The following AMPD1 variants were observed in gnomAD, a reference collection of about 807,000 sequenced individuals.
The protein encoded by AMPD1 is AMP deaminase 1.
AMPD1 carries 74 observed loss-of-function variants against 82.9 expected under a neutral mutation model. The ratio of observed to expected loss-of-function variants is 0.89; its 90% CI spans 0.74 to 1.08. AMPD1 has a LOEUF of 1.08. AMPD1 is among the 50% of genes least tolerant of loss of function. The pLI, the probability that AMPD1 is intolerant of heterozygous loss-of-function variation, is 0.00. For synonymous variants in AMPD1, 333 were observed against 320.5 expected, an observed-to-expected ratio of 1.04 and a Z score of -0.42; for missense variants, 881 against 924.5, an observed-to-expected ratio of 0.95 and a Z score of 0.61.
chr1:114,673,150 G>A lies in AMPD1; in HGVS notation c.2208C>T (p.Leu736=). ...ATTTAAGACCCTCAGCAATTAAATTGAGTTCATAACACCAGGTTTCATAGC... is the reference window on the plus strand; with the variant it reads ...ATTTAAGACCCTCAGCAATTAAATTAAGTTCATAACACCAGGTTTCATAGC... ...AYRYETWCYE[L]NLIAEGLKST... is the part of the protein sequence containing the mutation. Residue 736 remains leucine, a synonymous_variant, in exon 16 of 16, where the codon CTC becomes CTT. Transcript: ENST00000520113. 1 of 1,613,898 alleles carries A rather than the reference G, an allele frequency of 6.2e-7. No individual in the cohort carries two copies. Among genetic ancestry groups the A allele is most frequent in the Non-Finnish European group, 8.5e-7 (1 of 1,179,930 alleles).
chr1:114,693,700 A>T (rs751189510), intron 1 of AMPD1, among the ~76,000 whole-genome samples: 2 of 152,228 alleles, frequency 1.3e-5, no homozygotes, highest in Non-Finnish European at 2.9e-5. Flanking sequence ...TCTCTATAAA[A>T]TATGATTTTT....
chr1:114,692,230 A>G (rs542643331), intron 2 of AMPD1, among the ~76,000 whole-genome samples: 50 of 152,340 alleles, frequency 3.3e-4, no homozygotes, highest in Non-Finnish European at 5.4e-4. Context: ...GTTTCTCAGC[A>G]GTGCTTTATT....
At chr1:114,681,957 T>C (rs1359844887) in intron 5 of AMPD1, among the ~76,000 whole-genome samples, 2 of 152,250 alleles carry the variant, frequency 1.3e-5, no homozygotes, top group African/African-American at 2.4e-5. Flanking sequence ...GAATTATTTT[T>C]CCCACCTTTT....
Position 114,693,515 on chromosome 1 carries a change from T to G in AMPD1, c.23-68A>C, listed in dbSNP as rs377512511. On this transcript the variant is annotated intron_variant, in intron 1 of 15. Coordinates refer to ENST00000520113, the MANE Select transcript of AMPD1 (RefSeq NM_000036.3). ...TTTCTGTAATCATGGTGGCTATTAA[T>G]CACTGCTTTGGGGTAGACACATGTA... 4.1e-4 allele frequency: 587 copies of G among 1,420,070 alleles called. 3 individuals are homozygous for G. The highest frequency in any genetic ancestry group is 5.1e-4 in the Non-Finnish European group (507 of 1,003,556). 88.0% of individuals were successfully genotyped at this position (1,420,070 alleles called of 1,614,324 possible).
Position 114,680,464 on chromosome 1 carries a change from C to CA in AMPD1, c.561dup (p.Val188CysfsTer15). 1 of 1,614,024 alleles carries CA rather than the reference C, an allele frequency of 6.2e-7. No homozygotes were observed. The highest frequency in any genetic ancestry group is 8.5e-7 in the Non-Finnish European group (1 of 1,179,980). ...CGGAAGGGGTCCTCTCCCTTCTTCA[C>CA]AGGAGGAGTAAAGACTTTTTCAATC... On this transcript the variant is annotated frameshift_variant, in exon 6 of 16. Transcript: ENST00000520113. LOFTEE classifies it high-confidence loss of function.
At chr1:114,684,140 T>A in intron 5 of AMPD1, 59 bp downstream of exon 5, 1 of 1,525,334 alleles carries the variant, frequency 6.6e-7, no homozygotes, top group Non-Finnish European at 9.0e-7. Context: ...ATATTTTAAA[T>A]TTAATATTTA....
intron 1 of AMPD1, among the ~76,000 whole-genome samples, chr1:114,693,711 A>T (rs965150390): frequency 1.3e-5 from 2 of 152,256 alleles, no homozygotes; most frequent in Non-Finnish European, 2.9e-5. Flanking sequence ...TATGATTTTT[A>T]AAAATATCTG....
chr1:114,680,117 G>T, intron 6 of AMPD1, 142 bp downstream of exon 6: 1 of 807,720 alleles, frequency 1.2e-6, no homozygotes, highest in Non-Finnish European at 2.1e-6. Context: ...AAGGAACAAT[G>T]TGCATGAAGG....
intron 13 of AMPD1, 61 bp downstream of exon 13, chr1:114,674,691 T>C: frequency 3.8e-6 from 6 of 1,571,598 alleles, no homozygotes; most frequent in Non-Finnish European, 5.3e-6. Flanking sequence ...TATGGTTGGT[T>C]AAGGGAAAAA....
chr1:114,678,606 A>ACC, intron 7 of AMPD1, 79 bp from the exon 8 acceptor site: 3 of 1,311,402 alleles, frequency 2.3e-6, no homozygotes, highest in Non-Finnish European at 3.3e-6. Context: ...ATGGTGCTGC[A>ACC]AATCCCACTG....
At position 114,673,719 on chromosome 1, in the gene AMPD1, C is replaced by T. The variant is rs1657899229; in HGVS notation, c.2005G>A (p.Ala669Thr). The T allele has an allele frequency of 3.1e-6, 5 of 1,613,978 alleles. No individual in the cohort carries two copies. Among genetic ancestry groups the T allele is most frequent in the Non-Finnish European group, 4.2e-6 (5 of 1,179,934 alleles). ...CAGGTGCTCAGCTTGAAGACTTGTG[C>T]AGCAATAGCATATTCTTCCATTAGG... is the stretch of plus-strand genomic sequence containing the variant. The part of the protein sequence containing the change: ...EPLMEEYAIA[A>T]QVFKLSTCDM... Residue 669 changes from alanine (A) to threonine (T), a missense_variant, in exon 15 of 16, where the codon GCA (alanine) becomes ACA (threonine). This residue lies in a region of AMPD1 where 98 missense variants were observed against 138.1 expected (regional missense o/e 0.71). Coordinates refer to ENST00000520113, the MANE Select transcript of AMPD1 (RefSeq NM_000036.3).
intron 2 of AMPD1, chr1:114,688,992 T>C (rs1016215858): frequency 4.3e-6 from 3 of 704,156 alleles, no homozygotes; most frequent in African/African-American, 3.5e-5. Flanking sequence ...CTAAAGATGG[T>C]CCTAAAGATG....
At chr1:114,695,395 C>CAAAAAAAA in intron 1 of AMPD1, 55 bp downstream of exon 1, 2 of 1,450,256 alleles carry the variant, frequency 1.4e-6, no homozygotes, top group Non-Finnish European at 9.3e-7. Context: ...AGTTGCTTGT[C>CAAAAAAAA]AAAAAAAAAA....
intron 7 of AMPD1, among the ~76,000 whole-genome samples, chr1:114,679,337 G>T (rs1658086737): frequency 6.6e-6 from 1 of 152,070 alleles, no homozygotes; most frequent in Non-Finnish European, 1.5e-5. Context: ...TGCTATTTTC[G>T]TTGTTGAGGA....
intron 2 of AMPD1, among the ~76,000 whole-genome samples, chr1:114,692,949 A>G (rs1398333502): frequency 1.3e-5 from 2 of 151,568 alleles, no homozygotes; most frequent in Admixed American, 1.3e-4. Flanking sequence ...CCTGGCCAAC[A>G]TGGTGAAACC....
At position 114,674,072 on chromosome 1, in the gene AMPD1, A is replaced by C. The variant is rs1657912496; in HGVS notation, c.1811T>G (p.Leu604Arg). The change falls in exon 14 of 16, where the codon CTA becomes CGA. Residue 604 changes from leucine to arginine, a missense_variant. Coordinates refer to ENST00000520113, the MANE Select transcript of AMPD1 (RefSeq NM_000036.3). ...TTGGGCTAAGAAAAACAAGTACTGT[A>C]GCACGGGACTCTGAAAAAGAAAAGT... ...HGLNLKKSPV[L>R]QYLFFLAQIP... 3.7e-6 allele frequency: 6 copies of C among 1,613,790 alleles called. No homozygotes were observed. The highest frequency in any genetic ancestry group is 4.2e-6 in the Non-Finnish European group (5 of 1,179,704).
intron 7 of AMPD1, 120 bp downstream of exon 7, chr1:114,679,459 A>C: frequency 7.2e-7 from 1 of 1,394,296 alleles, no homozygotes. Flanking sequence ...TTTTTACTAA[A>C]ATCCACTGAA....
At chr1:114,679,835 A>G in intron 6 of AMPD1, 127 bp from the exon 7 acceptor site, 17 of 1,143,782 alleles carry the variant, frequency 1.5e-5, no homozygotes, top group Non-Finnish European at 2.1e-5. Flanking sequence ...CTTTTAGTTT[A>G]CTCTGCAGTT....
chr1:114,685,759 G>A (rs771175240), intron 4 of AMPD1, among the ~76,000 whole-genome samples: 8 of 152,122 alleles, frequency 5.3e-5, no homozygotes, highest in Non-Finnish European at 8.8e-5. Flanking sequence ...TCCAAACTGT[G>A]TTTCCCCTGT....
Sources: gnomAD v4.1 joint callset for allele counts (sites outside exome capture counted in the v4.1 genomes callset) on GRCh38, gnomAD v4.1.1 for gene constraint, gnomAD v4.1.1 regional missense constraint, MANE v1.5 for transcripts, NCBI Gene and HGNC (gene_info 2026-07-23, HGNC 2026-07-21) for gene names.